CEP112: variants seen among roughly 807,000 people sequenced by gnomAD.
The protein encoded by CEP112 is centrosomal protein 112.
CEP112 carries 127 observed loss-of-function variants against 153.0 expected under a neutral mutation model. The ratio of observed to expected loss-of-function variants is 0.83; its 90% CI spans 0.72 to 0.96. CEP112 has a LOEUF of 0.96. Among genes scored for constraint, CEP112 ranks in the 40% least tolerant of loss-of-function variants. CEP112 has a pLI of 0.00. For missense variants in CEP112, 1,089 were observed against 1,101.2 expected (o/e 0.99, Z 0.16); for synonymous variants, 358 against 374.4 (o/e 0.96, Z 0.51).
At chr17:65,651,227 T>C (rs2045755320) in intron 24 of CEP112, among the ~76,000 whole-genome samples, 1 of 152,206 alleles carries the variant, frequency 6.6e-6, no homozygotes. Flanking sequence ...CTTAGAGTAA[T>C]AGTCTCCAAC....
intron 19 of CEP112, among the ~76,000 whole-genome samples, chr17:65,915,870 A>T (rs186429896): frequency 5.3e-5 from 8 of 151,988 alleles, no homozygotes; most frequent in Admixed American, 5.2e-4. Flanking sequence ...CTCAGAATAA[A>T]ATCCAATCTC....
rs947153681 is a variant in CEP112, at chr17:65,966,667, T to C, written c.1737-5069A>G. On this transcript the variant is annotated intron_variant, in intron 17 of 26. Coordinates refer to ENST00000535342, the MANE Select transcript of CEP112 (RefSeq NM_001199165.4). ...CTGGTTGTTACTTAAACTGATTAAA[T>C]TGAATGACTCAAAAATATTTAAAAT... Among the ~76,000 whole-genome samples, 5 of 152,330 alleles carry C rather than the reference T, an allele frequency of 3.3e-5. No homozygotes were observed. In the South Asian group the frequency reaches 8.3e-4, roughly 25 times the overall value.
At chr17:65,876,329 A>G (rs940442760) in intron 20 of CEP112, among the ~76,000 whole-genome samples, 1 of 152,228 alleles carries the variant, frequency 6.6e-6, no homozygotes, top group South Asian at 2.1e-4. Context: ...ATTTCTATAC[A>G]ATATTGAATA....
chr17:65,821,977 G>A (rs2056611518), intron 21 of CEP112, among the ~76,000 whole-genome samples: 2 of 151,480 alleles, frequency 1.3e-5, no homozygotes, highest in South Asian at 4.2e-4. Flanking sequence ...AATATATTTT[G>A]GTCTGATATT....
intron 21 of CEP112, among the ~76,000 whole-genome samples, chr17:65,801,900 C>T (rs1434676716): frequency 6.6e-6 from 1 of 152,144 alleles, no homozygotes; most frequent in African/African-American, 2.4e-5. Context: ...CCATGCCACA[C>T]TTTGTTTCTT....
intron 4 of CEP112, among the ~76,000 whole-genome samples, chr17:66,155,998 A>G (rs574308685): frequency 6.6e-6 from 1 of 152,252 alleles, no homozygotes; most frequent in South Asian, 2.1e-4. Flanking sequence ...CTCTGAAGAG[A>G]GCAGTGGATC....
chr17:66,012,366 CG>C (rs2064568919), intron 16 of CEP112, among the ~76,000 whole-genome samples: 1 of 152,124 alleles, frequency 6.6e-6, no homozygotes, highest in African/African-American at 2.4e-5. Flanking sequence ...TGGCTGTTAA[CG>C]GTCTATCCTT....
intron 6 of CEP112, among the ~76,000 whole-genome samples, chr17:66,108,515 T>G (rs2068881815): frequency 6.6e-6 from 1 of 152,136 alleles, no homozygotes; most frequent in Non-Finnish European, 1.5e-5. Context: ...TGACAAGATG[T>G]TTAACATTAC....
At chr17:65,768,902 C>T (rs760763063) in intron 21 of CEP112, among the ~76,000 whole-genome samples, 65 of 152,068 alleles carry the variant, frequency 4.3e-4, no homozygotes, top group Non-Finnish European at 6.3e-4. Context: ...CTTAGCACTT[C>T]TACTTAGCAG....
intron 20 of CEP112, among the ~76,000 whole-genome samples, chr17:65,886,964 G>T (rs538335426): frequency 6.6e-6 from 1 of 152,154 alleles, no homozygotes; most frequent in Non-Finnish European, 1.5e-5. Flanking sequence ...AGATTTGGGG[G>T]AGGGACTTAG....
chr17:66,188,565 G>A (rs1246082791), intron 1 of CEP112, among the ~76,000 whole-genome samples: 2 of 139,900 alleles, frequency 1.4e-5, no homozygotes, highest in East Asian at 4.2e-4. Flanking sequence ...TCACATCTGT[G>A]TACAGCATTT....
At chr17:65,759,876 G>T (rs953703514) in intron 21 of CEP112, among the ~76,000 whole-genome samples, 1 of 152,144 alleles carries the variant, frequency 6.6e-6, no homozygotes, top group Non-Finnish European at 1.5e-5. Context: ...CGATAAATCT[G>T]TTGTAAGTAC....
At position 65,887,991 on chromosome 17, in the gene CEP112, T is replaced by A. The variant is rs148553411; in HGVS notation, c.2163+14161A>T. On this transcript the variant is annotated intron_variant, in intron 20 of 26. Coordinates refer to ENST00000535342, the MANE Select transcript of CEP112 (RefSeq NM_001199165.4). ...CCTTGTTTGCACTTCCCTGTTTTTT[T>A]TCTTGCCTTGCTCCAACCCACCTCC... is the stretch of plus-strand genomic sequence containing the variant. Among the ~76,000 whole-genome samples, 26 of 152,244 alleles carry A rather than the reference T, an allele frequency of 1.7e-4. 2 individuals carry two copies. In the East Asian group the frequency reaches 5.0e-3, roughly 29 times the overall value.
intron 5 of CEP112, among the ~76,000 whole-genome samples, chr17:66,130,941 T>C (rs373254552): frequency 8.6e-5 from 13 of 152,032 alleles, no homozygotes; most frequent in African/African-American, 2.9e-4. Context: ...TACCCAGAAA[T>C]TGACAATGAC....
At chr17:66,012,054 C>G (rs564917569) in intron 16 of CEP112, among the ~76,000 whole-genome samples, 1 of 152,002 alleles carries the variant, frequency 6.6e-6, no homozygotes, top group South Asian at 2.1e-4. Flanking sequence ...CTGCTTTTTT[C>G]TGTTTTCCAT....
At chr17:65,879,005 A>T (rs147725287) in intron 20 of CEP112, among the ~76,000 whole-genome samples, 1 of 152,190 alleles carries the variant, frequency 6.6e-6, no homozygotes, top group African/African-American at 2.4e-5. Context: ...AGGGAGAGAT[A>T]TATTGGGAGG....
At chr17:65,826,801 C>T (rs1188871349) in intron 21 of CEP112, among the ~76,000 whole-genome samples, 1 of 152,146 alleles carries the variant, frequency 6.6e-6, no homozygotes, top group Non-Finnish European at 1.5e-5. Context: ...CCATGTTTTC[C>T]TGTGTGTAAC....
chr17:65,766,629 A>T (rs1019451889), intron 21 of CEP112, among the ~76,000 whole-genome samples: 1 of 152,032 alleles, frequency 6.6e-6, no homozygotes, highest in African/African-American at 2.4e-5. Context: ...TATGCTTCCT[A>T]TGAGAGACCC....
chr17:65,946,539 C>A (rs955361776), intron 18 of CEP112, among the ~76,000 whole-genome samples: 1 of 152,136 alleles, frequency 6.6e-6, no homozygotes, highest in East Asian at 1.9e-4. Flanking sequence ...TCATCTTGTG[C>A]CAATATCACA....
Sources: gnomAD v4.1 joint callset for allele counts (sites outside exome capture counted in the v4.1 genomes callset) on GRCh38, gnomAD v4.1.1 for gene constraint, MANE v1.5 for transcripts, NCBI Gene and HGNC (gene_info 2026-07-23, HGNC 2026-07-21) for gene names.